RABGAP1L: variants seen among roughly 807,000 people sequenced by gnomAD.
RABGAP1L encodes the protein rab GTPase-activating protein 1-like.
Under a neutral mutation model 137.7 loss-of-function variants are expected in RABGAP1L, and 63 were observed. That is an observed-to-expected ratio of 0.46 (90% CI 0.37 to 0.56). RABGAP1L has a LOEUF of 0.56. Among genes scored for constraint, RABGAP1L ranks in the 20% least tolerant of loss-of-function variants. The pLI, the probability that RABGAP1L is intolerant of heterozygous loss-of-function variation, is 0.00. For synonymous variants in RABGAP1L, 431 were observed against 433.7 expected, an observed-to-expected ratio of 0.99 and a Z score of 0.08; for missense variants, 1,095 against 1,244.0, an observed-to-expected ratio of 0.88 and a Z score of 1.80.
chr1:174,840,934 T>TA (rs1693327565), intron 19 of RABGAP1L, among the ~76,000 whole-genome samples: 1 of 151,814 alleles, frequency 6.6e-6, no homozygotes, highest in Non-Finnish European at 1.5e-5. Flanking sequence ...ATATCTTTAC[T>TA]GTCAGACAAG....
intron 7 of RABGAP1L, among the ~76,000 whole-genome samples, chr1:174,268,834 C>T (rs1011283633): frequency 2.6e-5 from 4 of 152,202 alleles, no homozygotes; most frequent in Admixed American, 2.0e-4. Flanking sequence ...AAAGGGAGAG[C>T]TTTCTCTTCT....
chr1:174,414,590 T>G (rs1311619512), intron 13 of RABGAP1L, among the ~76,000 whole-genome samples: 1 of 152,118 alleles, frequency 6.6e-6, no homozygotes, highest in Non-Finnish European at 1.5e-5. Flanking sequence ...CTCTATGAAT[T>G]AAACTTAGTG....
chr1:174,851,691 A>AT (rs1157950208), intron 19 of RABGAP1L, among the ~76,000 whole-genome samples: 5 of 147,326 alleles, frequency 3.4e-5, no homozygotes, highest in Admixed American at 6.7e-5. Context: ...TTTTTTTTTA[A>AT]TTTTTTTTGA....
At position 174,884,265 on chromosome 1, in the gene RABGAP1L, C is replaced by T. The variant is rs540764978; in HGVS notation, c.2340+72305C>T. Among the ~76,000 whole-genome samples, 23 of 152,240 alleles carry T rather than the reference C, an allele frequency of 1.5e-4. No individual in the cohort carries two copies. In the South Asian group the frequency reaches 1.9e-3, roughly 12 times the overall value. ...AGTTTCTCTTTCTATAAATGGGAGA[C>T]GAGGGTAAGCATTCTGTAATTACTT... On this transcript the variant is annotated intron_variant, in intron 19 of 25. Coordinates refer to ENST00000681986, the MANE Select transcript of RABGAP1L (RefSeq NM_001366446.1).
At chr1:174,406,109 C>A (rs1377727496) in intron 13 of RABGAP1L, among the ~76,000 whole-genome samples, 4 of 152,046 alleles carry the variant, frequency 2.6e-5, no homozygotes, top group Admixed American at 2.6e-4. Flanking sequence ...AATTTTTTTA[C>A]AGAATAATTT....
At chr1:174,655,992 G>C (rs1161621570) in intron 14 of RABGAP1L, among the ~76,000 whole-genome samples, 1 of 152,098 alleles carries the variant, frequency 6.6e-6, no homozygotes, top group Non-Finnish European at 1.5e-5. Context: ...GATCTGCTTG[G>C]TAAATATGTT....
intron 13 of RABGAP1L, among the ~76,000 whole-genome samples, chr1:174,514,343 A>G (rs1386011285): frequency 1.3e-5 from 2 of 151,970 alleles, no homozygotes; most frequent in African/African-American, 2.4e-5. Context: ...AGTGGGATAG[A>G]AGCCAGACTT....
At chr1:174,392,502 A>C (rs1030228062) in intron 12 of RABGAP1L, among the ~76,000 whole-genome samples, 1 of 152,222 alleles carries the variant, frequency 6.6e-6, no homozygotes, top group African/African-American at 2.4e-5. Context: ...CAGTATTATC[A>C]GCTTAGTTTC....
At chr1:174,380,988 G>A (rs1451312580) in intron 12 of RABGAP1L, among the ~76,000 whole-genome samples, 2 of 111,564 alleles carry the variant, frequency 1.8e-5, no homozygotes, top group Non-Finnish European at 3.6e-5. Flanking sequence ...GGTATGTGGT[G>A]TCTTTGTTCT....
At chr1:174,618,037 A>T (rs59257880) in intron 13 of RABGAP1L, among the ~76,000 whole-genome samples, 9,588 of 152,252 alleles carry the variant, frequency 0.063, 1,060 homozygotes, top group African/African-American at 0.22. Context: ...ACGGAGCCTC[A>T]CTCATTGCTA....
chr1:174,931,128 C>T (rs558043019), intron 19 of RABGAP1L, among the ~76,000 whole-genome samples: 31 of 152,154 alleles, frequency 2.0e-4, no homozygotes, highest in African/African-American at 7.0e-4. Flanking sequence ...ATTTTATTTT[C>T]AGGGTATTTT....
intron 13 of RABGAP1L, among the ~76,000 whole-genome samples, chr1:174,429,739 CA>C (rs1384549297): frequency 0.014 from 1,130 of 83,440 alleles, 9 homozygotes; most frequent in African/African-American, 0.027. Flanking sequence ...GACTCCATCT[CA>C]AAAAAAAAAA....
chr1:174,212,741 CA>C (rs1668995820), intron 1 of RABGAP1L, among the ~76,000 whole-genome samples: 1 of 151,842 alleles, frequency 6.6e-6, no homozygotes, highest in Non-Finnish European at 1.5e-5. Flanking sequence ...AATAGATCAA[CA>C]AAACCAAAAG....
intron 13 of RABGAP1L, among the ~76,000 whole-genome samples, chr1:174,440,235 A>G (rs1333030858): frequency 6.6e-6 from 1 of 152,224 alleles, no homozygotes; most frequent in African/African-American, 2.4e-5. Flanking sequence ...TGTAGCACCT[A>G]TTAAGATCTT....
intron 19 of RABGAP1L, among the ~76,000 whole-genome samples, chr1:174,821,592 A>T (rs1691032116): frequency 6.6e-6 from 1 of 152,216 alleles, no homozygotes; most frequent in African/African-American, 2.4e-5. Flanking sequence ...GTTTTTGAAA[A>T]TAACTTTCAC....
intron 14 of RABGAP1L, among the ~76,000 whole-genome samples, chr1:174,650,075 G>A (rs1675332414): frequency 6.6e-6 from 1 of 152,112 alleles, no homozygotes; most frequent in African/African-American, 2.4e-5. Context: ...GGCCTTTTCT[G>A]CATCTATTGA....
intron 19 of RABGAP1L, among the ~76,000 whole-genome samples, chr1:174,937,409 C>G (rs1380015467): frequency 6.7e-6 from 1 of 149,990 alleles, no homozygotes; most frequent in Admixed American, 6.6e-5. Context: ...CTCAGCCTCA[C>G]AAGTAGCTGG....
rs1327590233 is a variant in RABGAP1L at position 174,867,280 on chromosome 1, A to C, written c.2340+55320A>C. Among the ~76,000 whole-genome samples, 74 of 151,894 alleles carry C rather than the reference A, an allele frequency of 4.9e-4. 2 individuals carry two copies. The highest frequency in any genetic ancestry group is 4.9e-3 in the Admixed American group (74 of 15,216). The stretch of plus-strand genomic sequence containing the variant: ...CTTATAGTCCCAGCTGCTTGGGAAG[A>C]TGAGGCAGGAGAAATGCTTGAACCC... On this transcript the variant is annotated intron_variant, in intron 19 of 25. Coordinates refer to ENST00000681986, the MANE Select transcript of RABGAP1L (RefSeq NM_001366446.1).
chr1:174,789,135 A>G (rs992684932), intron 18 of RABGAP1L, among the ~76,000 whole-genome samples: 7 of 152,238 alleles, frequency 4.6e-5, no homozygotes, highest in Non-Finnish European at 8.8e-5. Flanking sequence ...TTTTAAATAT[A>G]GAAACCTTTC....
Sources: allele counts gnomAD v4.1 joint callset (sites outside exome capture counted in the v4.1 genomes callset), GRCh38; gene constraint gnomAD v4.1.1; transcripts MANE v1.5; gene names NCBI Gene and HGNC (gene_info 2026-07-23, HGNC 2026-07-21).